The following SCFD2 variants were observed in gnomAD, a reference collection of about 807,000 sequenced individuals.
The protein encoded by SCFD2 is sec1 family domain-containing protein 2.
In SCFD2, 54 loss-of-function variants were observed where a neutral mutation model predicts 58.9. That is an observed-to-expected ratio of 0.92 (90% CI 0.74 to 1.15). The LOEUF is 1.15. Ranked by LOEUF, SCFD2 falls within the 50% of genes most tolerant of loss-of-function variation. The pLI is 0.00. For synonymous variants in SCFD2, 321 were observed against 335.9 expected (o/e 0.96, Z 0.49); for missense variants, 805 against 836.6 (o/e 0.96, Z 0.47).
At position 53,006,510 on chromosome 4, in the gene SCFD2, C is replaced by T. The variant is rs187079030; in HGVS notation, c.1562-85640G>A. On this transcript the variant is annotated intron_variant, in intron 5 of 8. Coordinates refer to ENST00000401642, the MANE Select transcript of SCFD2 (RefSeq NM_152540.4). The stretch of plus-strand genomic sequence containing the variant: ...GAAGCAAACTGCTTTAAGGGATAAA[C>T]TCCAGTCCAAGAATAAACATGCCTC... 1.8e-3 allele frequency among the ~76,000 whole-genome samples: 274 copies of T among 152,340 alleles called. 1 individual carries two copies. The highest frequency in any genetic ancestry group is 0.01 in the Middle Eastern group (3 of 292).
intron 4 of SCFD2, among the ~76,000 whole-genome samples, chr4:53,207,493 T>TATACACACACACA (rs1491426799): frequency 7.8e-5 from 1 of 12,866 alleles, no homozygotes; most frequent in African/African-American, 3.2e-4. Flanking sequence ...TATATATATT[T>TATACACACACACA]CATATATATA....
At chr4:53,095,521 C>A (rs1724596374) in intron 5 of SCFD2, among the ~76,000 whole-genome samples, 1 of 152,148 alleles carries the variant, frequency 6.6e-6, no homozygotes, top group African/African-American at 2.4e-5. Context: ...TAACAAGAGT[C>A]CATGCTCCCA....
intron 4 of SCFD2, among the ~76,000 whole-genome samples, chr4:53,253,197 T>A (rs548990227): frequency 1.3e-5 from 2 of 152,312 alleles, no homozygotes; most frequent in African/African-American, 4.8e-5. Context: ...AGATACTATC[T>A]CCCACCAGTT....
chr4:52,900,483 C>A (rs1359619022), intron 7 of SCFD2, among the ~76,000 whole-genome samples: 3 of 152,200 alleles, frequency 2.0e-5, no homozygotes, highest in Admixed American at 6.5e-5. Flanking sequence ...AATGCTGCTG[C>A]CTGATCGTTC....
chr4:53,007,335 G>GAGGGA (rs1560508028), intron 5 of SCFD2, among the ~76,000 whole-genome samples: 5 of 39,264 alleles, frequency 1.3e-4, no homozygotes, highest in East Asian at 7.9e-4. Flanking sequence ...AGAGAGAGAG[G>GAGGGA]GAGAGAGAGA....
At chr4:53,320,352 C>T (rs1267637103) in intron 2 of SCFD2, among the ~76,000 whole-genome samples, 2 of 152,212 alleles carry the variant, frequency 1.3e-5, no homozygotes, top group Non-Finnish European at 2.9e-5. Flanking sequence ...TGTGGTGGCT[C>T]ACGCCTGTAA....
At chr4:53,288,719 A>T (rs961658044) in intron 3 of SCFD2, among the ~76,000 whole-genome samples, 1 of 152,246 alleles carries the variant, frequency 6.6e-6, no homozygotes, top group African/African-American at 2.4e-5. Flanking sequence ...GAGGGAATTC[A>T]TCATTACTAA....
intron 4 of SCFD2, among the ~76,000 whole-genome samples, chr4:53,215,764 A>G (rs981142213): frequency 3.9e-5 from 6 of 152,112 alleles, no homozygotes; most frequent in Non-Finnish European, 8.8e-5. Context: ...CCCATTCAGT[A>G]TGATATTGGC....
In SCFD2 at chr4:53,024,154, C is replaced by T. The variant is rs538764237; in HGVS notation, c.1562-103284G>A. On this transcript the variant is annotated intron_variant, in intron 5 of 8. Coordinates refer to ENST00000401642, the MANE Select transcript of SCFD2 (RefSeq NM_152540.4). Reference sequence around the variant, plus strand: ...TGTGGCTGCGCTTCTAAAACCCTGACACCAAGTGCTAGCCATCACAAGAAA... The same window carrying T: ...TGTGGCTGCGCTTCTAAAACCCTGATACCAAGTGCTAGCCATCACAAGAAA... Among the ~76,000 whole-genome samples the T allele has an allele frequency of 2.0e-5, 3 of 152,280 alleles. No homozygotes were observed. The South Asian group carries it at 6.2e-4, about 32-fold the overall frequency.
rs536533112 is a variant in SCFD2, at chr4:53,199,372, A to G, written c.1312-53790T>C. On this transcript the variant is annotated intron_variant, in intron 4 of 8. Transcript: ENST00000401642. ...GAGAGGGGAGATGATTACAAACAAC[A>G]GAGTATGAACTTTGGGTTGTGTAGT... Among the ~76,000 whole-genome samples the G allele has an allele frequency of 7.2e-5, 11 of 152,224 alleles. No individual in the cohort carries two copies. The South Asian group carries it at 2.3e-3, about 32-fold the overall frequency.
rs552206289 is a variant in SCFD2, at chr4:53,217,543, C to T, written c.1311+56283G>A. 2.2e-3 allele frequency among the ~76,000 whole-genome samples: 338 copies of T among 152,228 alleles called. 2 individuals are homozygous for T. Among genetic ancestry groups the T allele is most frequent in the African/African-American group, 7.6e-3 (317 of 41,532 alleles). ...TTTTGAGCCTATGTGTGTCTCTGCA[C>T]GTGAGATGGGTCTTGTGAATACAGC... On this transcript the variant is annotated intron_variant, in intron 4 of 8. Coordinates refer to ENST00000401642, the MANE Select transcript of SCFD2 (RefSeq NM_152540.4).
intron 6 of SCFD2, among the ~76,000 whole-genome samples, chr4:52,908,432 G>A (rs929736729): frequency 3.3e-5 from 5 of 152,118 alleles, no homozygotes; most frequent in Non-Finnish European, 5.9e-5. Context: ...GTCAGATATG[G>A]CACGAAGTCT....
At chr4:53,182,721 T>A (rs7680849) in intron 4 of SCFD2, among the ~76,000 whole-genome samples, 148,565 of 152,246 alleles carry the variant, frequency 0.98, 72,601 homozygotes, top group Middle Eastern at 1. Flanking sequence ...CAGGCAACCT[T>A]CAGAATGGGA....
intron 2 of SCFD2, among the ~76,000 whole-genome samples, chr4:53,320,284 A>G (rs1732987710): frequency 6.6e-6 from 1 of 152,240 alleles, no homozygotes; most frequent in Non-Finnish European, 1.5e-5. Context: ...CTAAAATGCC[A>G]ATTTCTGAGA....
At chr4:53,295,780 A>G (rs1383922308) in intron 3 of SCFD2, among the ~76,000 whole-genome samples, 1 of 152,232 alleles carries the variant, frequency 6.6e-6, no homozygotes, top group Non-Finnish European at 1.5e-5. Context: ...GGTATGTCAT[A>G]AATAACTCTC....
intron 5 of SCFD2, among the ~76,000 whole-genome samples, chr4:53,033,549 C>T (rs1016584923): frequency 1.3e-5 from 2 of 151,678 alleles, no homozygotes; most frequent in African/African-American, 4.8e-5. Context: ...TTCAAAAGAA[C>T]AACAAAATAG....
rs770241142 is a variant in SCFD2, at chr4:53,313,770, G to GA, written c.1008-8dup. ...GGCTTTGGCTGTGGTGTCACTGCAGGAAAATCACAAAAAGAGCTTTAGAAT... is the reference window on the plus strand; with the variant it reads ...GGCTTTGGCTGTGGTGTCACTGCAGGAAAAATCACAAAAAGAGCTTTAGAAT... On this transcript the variant is annotated splice_polypyrimidine_tract_variant and splice_region_variant and intron_variant, in intron 2 of 8. Coordinates refer to ENST00000401642, the MANE Select transcript of SCFD2 (RefSeq NM_152540.4). The GA allele has an allele frequency of 1.2e-6, 2 of 1,613,084 alleles. No homozygotes were observed. The highest frequency in any genetic ancestry group is 2.7e-5 in the African/African-American group (2 of 74,772).
intron 5 of SCFD2, among the ~76,000 whole-genome samples, chr4:52,965,656 C>A (rs1720946830): frequency 6.6e-6 from 1 of 152,212 alleles, no homozygotes; most frequent in South Asian, 2.1e-4. Context: ...CCTCCTCTAG[C>A]ACCTCCTGCT....
chr4:53,361,134 G>A (rs1209925267), intron 1 of SCFD2, among the ~76,000 whole-genome samples: 2 of 152,156 alleles, frequency 1.3e-5, no homozygotes, highest in African/African-American at 4.8e-5. Context: ...CTTAACAAAT[G>A]TAAAGAAAGT....
Sources: allele counts gnomAD v4.1 joint callset (sites outside exome capture counted in the v4.1 genomes callset), GRCh38; gene constraint gnomAD v4.1.1; transcripts MANE v1.5; gene names NCBI Gene and HGNC (gene_info 2026-07-23, HGNC 2026-07-21).